Variants in CUL5 observed in about 807,000 individuals in gnomAD.
CUL5 encodes the protein cullin-5.
CUL5 carries 26 observed loss-of-function variants against 108.8 expected under a neutral mutation model. The observed-to-expected ratio is 0.24, with a 90% CI of 0.18 to 0.33. The LOEUF is 0.33. CUL5 is among the 10% of genes least tolerant of loss of function. The probability of loss-of-function intolerance (pLI) is 1.00; values close to 1 mark genes in which losing one functional copy is unlikely to be tolerated. For synonymous variants in CUL5, 334 were observed against 298.0 expected (o/e 1.12, Z -1.25); for missense variants, 524 against 909.2 (o/e 0.58, Z 5.45).
At chr11:108,080,508 G>A (rs1864052360) in intron 11 of CUL5, among the ~76,000 whole-genome samples, 1 of 152,080 alleles carries the variant, frequency 6.6e-6, no homozygotes, top group Admixed American at 6.5e-5. Flanking sequence ...TGATTCTCTT[G>A]CCTCAGCCTC....
At chr11:108,020,581 C>T (rs1001133317) in intron 1 of CUL5, among the ~76,000 whole-genome samples, 1 of 151,046 alleles carries the variant, frequency 6.6e-6, no homozygotes, top group African/African-American at 2.4e-5. Flanking sequence ...AGGGTCTCAC[C>T]ACGTTGCCCA....
At chr11:108,087,837 C>A (rs1320867449) in intron 11 of CUL5, among the ~76,000 whole-genome samples, 4 of 152,030 alleles carry the variant, frequency 2.6e-5, no homozygotes, top group Admixed American at 6.6e-5. Flanking sequence ...TGGTGGCGGG[C>A]ACCTGTAATC....
At chr11:108,072,497 A>G in intron 9 of CUL5, 35 bp downstream of exon 9, 1 of 1,546,024 alleles carries the variant, frequency 6.5e-7, no homozygotes, top group Non-Finnish European at 8.8e-7. Flanking sequence ...ATAGATATAT[A>G]TCAAGGCTAT....
intron 7 of CUL5, among the ~76,000 whole-genome samples, chr11:108,069,498 G>A (rs1863769553): frequency 6.6e-6 from 1 of 152,016 alleles, no homozygotes; most frequent in Non-Finnish European, 1.5e-5. Flanking sequence ...CCAACTTGTG[G>A]ATGAGGCCAT....
At chr11:108,102,021 G>A (rs1864684750) in intron 18 of CUL5, among the ~76,000 whole-genome samples, 2 of 151,972 alleles carry the variant, frequency 1.3e-5, no homozygotes, top group African/African-American at 4.8e-5. Context: ...ATTTATTTTT[G>A]TTTATTTTAT....
intron 3 of CUL5, among the ~76,000 whole-genome samples, chr11:108,049,222 C>A (rs1381470664): frequency 1.5e-5 from 2 of 135,688 alleles, no homozygotes; most frequent in African/African-American, 2.7e-5. Context: ...TAATTGGAAT[C>A]ATAATATGTG....
chr11:108,015,065 A>G (rs1862147565), intron 1 of CUL5, among the ~76,000 whole-genome samples: 1 of 151,896 alleles, frequency 6.6e-6, no homozygotes, highest in Non-Finnish European at 1.5e-5. Context: ...TGCTCGGCTG[A>G]TTTTTGCATT....
intron 5 of CUL5, among the ~76,000 whole-genome samples, 193 bp from the exon 6 acceptor site, chr11:108,054,454 T>C (rs945607008): frequency 1.1e-4 from 16 of 152,244 alleles, no homozygotes; most frequent in African/African-American, 3.6e-4. Context: ...TATTATTTAT[T>C]TGTTACTTTA....
intron 1 of CUL5, among the ~76,000 whole-genome samples, chr11:108,030,505 C>A (rs966892303): frequency 1.3e-5 from 2 of 152,122 alleles, no homozygotes; most frequent in Non-Finnish European, 2.9e-5. Flanking sequence ...GGCTTGGTGG[C>A]GCATGCCTTT....
chr11:108,010,023 G>T (rs776780851), intron 1 of CUL5, among the ~76,000 whole-genome samples: 4 of 152,250 alleles, frequency 2.6e-5, no homozygotes, highest in Non-Finnish European at 4.4e-5. Context: ...GTTTTAGGGC[G>T]CAGGAAAGTT....
chr11:108,013,637 C>CAAGA (rs1862110443), intron 1 of CUL5, among the ~76,000 whole-genome samples: 1 of 152,126 alleles, frequency 6.6e-6, no homozygotes, highest in Non-Finnish European at 1.5e-5. Context: ...GATGGAGGCA[C>CAAGA]AAGAAGGCAG....
intron 7 of CUL5, among the ~76,000 whole-genome samples, chr11:108,056,498 C>A (rs543335340): frequency 6.6e-6 from 1 of 151,978 alleles, no homozygotes; most frequent in Non-Finnish European, 1.5e-5. Context: ...CAGTATGTAT[C>A]CTCTTTGGTT....
chr11:108,059,237 A>C (rs1000680597), intron 7 of CUL5, among the ~76,000 whole-genome samples: 2 of 152,224 alleles, frequency 1.3e-5, no homozygotes, highest in South Asian at 4.1e-4. Context: ...ATAGTCCTGC[A>C]TACCTTAGTA....
At chr11:108,052,599 A>G in intron 4 of CUL5, 61 bp from the exon 5 acceptor site, 1 of 1,463,424 alleles carries the variant, frequency 6.8e-7, no homozygotes, top group Admixed American at 1.8e-5. Context: ...TGGTGTTTGT[A>G]CATGATACTT....
At chr11:108,033,747 CTT>C in intron 1 of CUL5, 53 bp from the exon 2 acceptor site, 1 of 1,121,438 alleles carries the variant, frequency 8.9e-7, no homozygotes, top group South Asian at 1.4e-5. Context: ...TTACAGGATA[CTT>C]TTTATTTAAC....
At chr11:108,045,935 T>G (rs1456077294) in intron 2 of CUL5, among the ~76,000 whole-genome samples, 1 of 152,184 alleles carries the variant, frequency 6.6e-6, no homozygotes, top group Non-Finnish European at 1.5e-5. Flanking sequence ...TGTTAAAGAA[T>G]TAAAAGGATT....
intron 7 of CUL5, among the ~76,000 whole-genome samples, chr11:108,056,890 T>G (rs894469565): frequency 1.3e-5 from 2 of 152,184 alleles, no homozygotes; most frequent in African/African-American, 4.8e-5. Flanking sequence ...AATAATGTTC[T>G]GAGGTTTCAG....
chr11:108,060,935 CTGCTGTGTTTTATAGCAG>C (rs1863518029), intron 7 of CUL5, among the ~76,000 whole-genome samples: 1 of 151,988 alleles, frequency 6.6e-6, no homozygotes, highest in Non-Finnish European at 1.5e-5. Context: ...ATTGGAGTGC[CTGCTGTGTTTTATAGCAG>C]GCATTATTTT....
chr11:108,047,209 C>T (rs912017911), intron 3 of CUL5, among the ~76,000 whole-genome samples: 6 of 151,888 alleles, frequency 4.0e-5, no homozygotes, highest in South Asian at 2.1e-4. Context: ...TGCAGCCACT[C>T]GAGAGGCTGA....
Sources: allele counts gnomAD v4.1 joint callset (sites outside exome capture counted in the v4.1 genomes callset), GRCh38; gene constraint gnomAD v4.1.1; transcripts MANE v1.5; gene names NCBI Gene and HGNC (gene_info 2026-07-23, HGNC 2026-07-21).